Variants in ANO10 observed in about 807,000 individuals in gnomAD.
ANO10 encodes anoctamin-10.
A neutral mutation model predicts 74.7 loss-of-function variants in ANO10; 77 were observed. The observed-to-expected ratio is 1.03, with a 90% CI of 0.86 to 1.25. The LOEUF (loss-of-function observed/expected upper bound fraction) is 1.25, where lower values mean the gene tolerates loss of function less well. Ranked by LOEUF, ANO10 falls within the 50% of genes most tolerant of loss-of-function variation. ANO10 has a pLI of 0.00. For synonymous variants in ANO10, 279 were observed against 284.9 expected (o/e 0.98, Z 0.21); for missense variants, 721 against 778.1 (o/e 0.93, Z 0.87).
At chr3:43,401,655 A>G (rs541615550) in intron 12 of ANO10, among the ~76,000 whole-genome samples, 1 of 152,364 alleles carries the variant, frequency 6.6e-6, no homozygotes, top group East Asian at 1.9e-4. Flanking sequence ...AAATCGGGAC[A>G]ATTCTACATG....
At chr3:43,431,275 G>A (rs950032278) in intron 12 of ANO10, among the ~76,000 whole-genome samples, 4 of 151,668 alleles carry the variant, frequency 2.6e-5, no homozygotes, top group African/African-American at 4.8e-5. Flanking sequence ...ATTTCACCAC[G>A]TTGCCCAGGT....
At chr3:43,676,410 G>A (rs1337359537) in intron 1 of ANO10, among the ~76,000 whole-genome samples, 2 of 152,184 alleles carry the variant, frequency 1.3e-5, no homozygotes, top group Non-Finnish European at 2.9e-5. Flanking sequence ...TACTGAGCCA[G>A]GTTTGCACCT....
chr3:43,391,892 G>C (rs2092282236), intron 12 of ANO10, among the ~76,000 whole-genome samples: 1 of 151,916 alleles, frequency 6.6e-6, no homozygotes, highest in Non-Finnish European at 1.5e-5. Flanking sequence ...AACTGTGAGA[G>C]AGCAAATGTT....
chr3:43,683,788 C>A (rs577409523), intron 1 of ANO10, among the ~76,000 whole-genome samples: 2 of 152,030 alleles, frequency 1.3e-5, no homozygotes, highest in African/African-American at 4.8e-5. Flanking sequence ...CATCTACAAC[C>A]ATCTGATCTT....
intron 1 of ANO10, among the ~76,000 whole-genome samples, chr3:43,655,597 G>A (rs1384467641): frequency 1.3e-5 from 2 of 152,210 alleles, no homozygotes; most frequent in Non-Finnish European, 2.9e-5. Context: ...TTGACAGGGT[G>A]CTGATTGGTG....
intron 11 of ANO10, among the ~76,000 whole-genome samples, chr3:43,456,277 A>G (rs540536981): frequency 7.9e-5 from 12 of 152,338 alleles, no homozygotes; most frequent in African/African-American, 2.6e-4. Context: ...TTTATACAAA[A>G]TGTATATATT....
chr3:43,652,610 A>G (rs1330525112), intron 1 of ANO10, among the ~76,000 whole-genome samples: 1 of 152,190 alleles, frequency 6.6e-6, no homozygotes, highest in Non-Finnish European at 1.5e-5. Context: ...AAACTAAACC[A>G]CTGGATAGTA....
chr3:43,504,090 G>A (rs1360906617), intron 11 of ANO10, among the ~76,000 whole-genome samples: 1 of 152,076 alleles, frequency 6.6e-6, no homozygotes, highest in East Asian at 1.9e-4. Flanking sequence ...CCAACATGGT[G>A]AAACCCTGTC....
At position 43,574,868 on chromosome 3, in the gene ANO10, A is replaced by C. The variant is rs760440802; in HGVS notation, c.1163-4T>G. 5 of 1,613,088 alleles carry C rather than the reference A, an allele frequency of 3.1e-6. No homozygotes were observed. Among genetic ancestry groups the C allele is most frequent in the Admixed American group, 3.3e-5 (2 of 60,012 alleles). Reference sequence around the variant, plus strand: ...GCAGATTCCAATCTGTGATTCTCTAAAACATTAAAACACACAGGTAACTTC... The same window carrying C: ...GCAGATTCCAATCTGTGATTCTCTACAACATTAAAACACACAGGTAACTTC... On this transcript the variant is annotated splice_region_variant and splice_polypyrimidine_tract_variant and intron_variant, in intron 6 of 12. Coordinates refer to ENST00000292246, the MANE Select transcript of ANO10 (RefSeq NM_018075.5).
chr3:43,587,200 A>G lies in ANO10; in HGVS notation c.473-6728T>C, dbSNP rs144227183. ...AGAGTGCCTACATTCAAACTTCCTGATACCTCCTAAAAGCCATACAGATCA... is the reference window on the plus strand; with the variant it reads ...AGAGTGCCTACATTCAAACTTCCTGGTACCTCCTAAAAGCCATACAGATCA... On this transcript the variant is annotated intron_variant, in intron 4 of 12. Coordinates refer to ENST00000292246, the MANE Select transcript of ANO10 (RefSeq NM_018075.5). Among the ~76,000 whole-genome samples the G allele has an allele frequency of 8.3e-4, 126 of 152,312 alleles. No homozygotes were observed. The East Asian group carries it at 0.023, about 27-fold the overall frequency.
intron 1 of ANO10, among the ~76,000 whole-genome samples, chr3:43,644,056 G>A (rs1332285578): frequency 1.3e-5 from 2 of 152,028 alleles, no homozygotes; most frequent in African/African-American, 2.4e-5. Context: ...GTTTTAGGTA[G>A]TAAAGTTCAC....
intron 10 of ANO10, among the ~76,000 whole-genome samples, chr3:43,551,912 C>T (rs990257936): frequency 5.3e-5 from 8 of 152,034 alleles, no homozygotes; most frequent in Non-Finnish European, 7.4e-5. Flanking sequence ...GTTGTTTGAC[C>T]ATTTACAGGT....
At chr3:43,582,168 T>C (rs938129117) in intron 4 of ANO10, among the ~76,000 whole-genome samples, 1 of 152,050 alleles carries the variant, frequency 6.6e-6, no homozygotes. Context: ...CACAAAGTTT[T>C]TGGCTGGGCG....
intron 12 of ANO10, among the ~76,000 whole-genome samples, chr3:43,410,378 C>T (rs988445407): frequency 1.3e-5 from 2 of 152,258 alleles, no homozygotes; most frequent in African/African-American, 4.8e-5. Context: ...AGCCTCCTCC[C>T]AAGTAGCTGG....
At chr3:43,539,722 G>C (rs979497935) in intron 11 of ANO10, among the ~76,000 whole-genome samples, 1 of 152,222 alleles carries the variant, frequency 6.6e-6, no homozygotes, top group Non-Finnish European at 1.5e-5. Context: ...ATGATGTTCT[G>C]TGATTTCACT....
intron 12 of ANO10, among the ~76,000 whole-genome samples, chr3:43,391,285 G>A (rs1013346729): frequency 1.3e-5 from 2 of 152,122 alleles, no homozygotes; most frequent in Non-Finnish European, 2.9e-5. Context: ...ATCAAAAACA[G>A]ACGGGAAGTT....
At chr3:43,447,335 A>AG (rs2093262611) in intron 11 of ANO10, among the ~76,000 whole-genome samples, 1 of 152,242 alleles carries the variant, frequency 6.6e-6, no homozygotes, top group Non-Finnish European at 1.5e-5. Context: ...GCTGAATATG[A>AG]GACTCCCTGG....
chr3:43,383,541 CA>C, intron 12 of ANO10, among the ~76,000 whole-genome samples: 1 of 151,264 alleles, frequency 6.6e-6, no homozygotes, highest in South Asian at 2.1e-4. Flanking sequence ...ATCTGCAAGT[CA>C]ATAAATGTGA....
At position 43,451,635 on chromosome 3, in the gene ANO10, G is replaced by T. The variant is rs572282998; in HGVS notation, c.1798-18908C>A. Among the ~76,000 whole-genome samples the T allele has an allele frequency of 7.9e-5, 12 of 151,612 alleles. No individual in the cohort carries two copies. In the South Asian group the frequency reaches 2.5e-3, roughly 32 times the overall value. On this transcript the variant is annotated intron_variant, in intron 11 of 12. Coordinates refer to ENST00000292246, the MANE Select transcript of ANO10 (RefSeq NM_018075.5). ...AGGGATGAAGGGTGGGGATTAGGGG[G>T]TGGGTAGGAGGATTTGCAAAAGAAA...
Sources: gnomAD v4.1 joint callset for allele counts (sites outside exome capture counted in the v4.1 genomes callset) on GRCh38, gnomAD v4.1.1 for gene constraint, MANE v1.5 for transcripts, NCBI Gene and HGNC (gene_info 2026-07-23, HGNC 2026-07-21) for gene names.